KLF7: variants seen among roughly 807,000 people sequenced by gnomAD.
The protein encoded by KLF7 is KLF transcription factor 7.
In KLF7, 2 loss-of-function variants were observed where a neutral mutation model predicts 27.3. The ratio of observed to expected loss-of-function variants is 0.07; its 90% confidence interval spans 0.03 to 0.23. KLF7 has a LOEUF of 0.23. Among genes scored for constraint, KLF7 ranks in the 10% least tolerant of loss-of-function variants. KLF7 has a pLI of 1.00. For missense variants in KLF7, 221 were observed against 394.1 expected (o/e 0.56, Z 3.72); for synonymous variants, 165 against 162.4 (o/e 1.02, Z -0.12).
intron 3 of KLF7, among the ~76,000 whole-genome samples, chr2:207,084,398 T>C (rs951043507): frequency 5.3e-5 from 8 of 152,176 alleles, no homozygotes; most frequent in African/African-American, 1.9e-4. Context: ...TATTTAGCAA[T>C]ATATGTATAA....
chr2:207,100,589 G>GC (rs2076743226), intron 2 of KLF7, among the ~76,000 whole-genome samples: 2 of 152,012 alleles, frequency 1.3e-5, no homozygotes, highest in Non-Finnish European at 2.9e-5. Flanking sequence ...TCCCTAGACA[G>GC]CCCCCGCTCC....
chr2:207,127,314 G>A (rs1020889061), intron 1 of KLF7, among the ~76,000 whole-genome samples: 1 of 152,178 alleles, frequency 6.6e-6, no homozygotes, highest in African/African-American at 2.4e-5. Context: ...ATTATGAAAT[G>A]ATTGCTGTCT....
chr2:207,152,162 A>G (rs188295143), intron 1 of KLF7, among the ~76,000 whole-genome samples: 75 of 152,306 alleles, frequency 4.9e-4, no homozygotes, highest in African/African-American at 1.7e-3. Context: ...AACAAGTCAT[A>G]TAAAATCCAC....
At chr2:207,170,351 G>A (rs754505763), upstream of KLF7, among the ~76,000 whole-genome samples, 9 of 152,166 alleles carry the variant, frequency 5.9e-5, no homozygotes, top group Non-Finnish European at 1.0e-4. Flanking sequence ...AGATAGCAGA[G>A]GTCGATTTAT....
At chr2:207,173,440 T>A in the KLF7 span, among the ~76,000 whole-genome samples, 6 of 152,200 alleles carry the variant, frequency 3.9e-5, no homozygotes, top group East Asian at 1.2e-3. Context: ...TTAGCATGGG[T>A]CTGACTTCCT....
chr2:207,095,031 C>CTTTTTTTTTTTTTTTT (rs36091471), intron 2 of KLF7, among the ~76,000 whole-genome samples: 1,409 of 82,268 alleles, frequency 0.017, 7 homozygotes, highest in Middle Eastern at 0.048. Context: ...TGTTTTTATT[C>CTTTTTTTTTTTTTTTT]TTTTTTTTTT....
At chr2:207,131,135 G>C (rs1432370566) in intron 1 of KLF7, among the ~76,000 whole-genome samples, 1 of 152,212 alleles carries the variant, frequency 6.6e-6, no homozygotes, top group African/African-American at 2.4e-5. Context: ...GCAAAGTCAT[G>C]CTTCCTCTGA....
At chr2:207,106,416 A>T (rs2076884492) in intron 2 of KLF7, among the ~76,000 whole-genome samples, 1 of 152,264 alleles carries the variant, frequency 6.6e-6, no homozygotes, top group African/African-American at 2.4e-5. Flanking sequence ...AAAAGCAAAC[A>T]AATGTAAAAC....
At chr2:207,118,534 C>T (rs907781493) in intron 2 of KLF7, among the ~76,000 whole-genome samples, 1 of 152,158 alleles carries the variant, frequency 6.6e-6, no homozygotes, top group African/African-American at 2.4e-5. Context: ...ACTTGTTTCC[C>T]CTTTATTAGT....
chr2:207,144,364 C>G (rs1313342881), intron 1 of KLF7, among the ~76,000 whole-genome samples: 1 of 152,188 alleles, frequency 6.6e-6, no homozygotes, highest in African/African-American at 2.4e-5. Flanking sequence ...CACTGTCAAT[C>G]ATTTTTCACT....
chr2:207,133,670 C>A (rs145249232), intron 1 of KLF7, among the ~76,000 whole-genome samples: 1 of 152,214 alleles, frequency 6.6e-6, no homozygotes, highest in African/African-American at 2.4e-5. Flanking sequence ...CTCCCCACCC[C>A]CTACAGCCTC....
At chr2:207,164,918 T>C (rs984111700) in intron 1 of KLF7, among the ~76,000 whole-genome samples, 1 of 152,120 alleles carries the variant, frequency 6.6e-6, no homozygotes, top group African/African-American at 2.4e-5. Context: ...TTTGCCTACC[T>C]TCTAATCTCA....
intron 2 of KLF7, among the ~76,000 whole-genome samples, chr2:207,093,125 T>C (rs942829820): frequency 6.6e-6 from 1 of 152,230 alleles, no homozygotes; most frequent in Non-Finnish European, 1.5e-5. Context: ...TATATTTCCA[T>C]ATAAATGGTC....
chr2:207,172,916 G>T, the KLF7 span, among the ~76,000 whole-genome samples: 2 of 152,230 alleles, frequency 1.3e-5, no homozygotes, highest in African/African-American at 2.4e-5. Context: ...GAGCAGGAGA[G>T]AAGATTGTTA....
intron 2 of KLF7, among the ~76,000 whole-genome samples, chr2:207,101,849 C>T (rs1193908119): frequency 6.6e-6 from 1 of 152,142 alleles, no homozygotes; most frequent in Non-Finnish European, 1.5e-5. Context: ...AAATTGTTTA[C>T]ATTCTATGTA....
chr2:207,106,587 C>T (rs1171203743), intron 2 of KLF7, among the ~76,000 whole-genome samples: 1 of 152,160 alleles, frequency 6.6e-6, no homozygotes, highest in Non-Finnish European at 1.5e-5. Context: ...AATCAAGTAT[C>T]CTAGGGTCAC....
intron 1 of KLF7, among the ~76,000 whole-genome samples, chr2:207,127,402 G>A (rs1036667098): frequency 6.6e-6 from 1 of 152,192 alleles, no homozygotes; most frequent in African/African-American, 2.4e-5. Context: ...AAACCCCAGT[G>A]AGGGGGTTAA....
At chr2:207,152,492 A>G (rs1230880862) in intron 1 of KLF7, among the ~76,000 whole-genome samples, 1 of 152,176 alleles carries the variant, frequency 6.6e-6, no homozygotes, top group Non-Finnish European at 1.5e-5. Flanking sequence ...CAGTTTCCAA[A>G]TTGGAAAATG....
At chr2:207,156,100 GC>G (rs1559167867) in intron 1 of KLF7, among the ~76,000 whole-genome samples, 3 of 152,040 alleles carry the variant, frequency 2.0e-5, no homozygotes, top group African/African-American at 7.3e-5. Flanking sequence ...TGAGCTCTGA[GC>G]TCCTCTCCTG....
Sources: gnomAD v4.1 joint callset for allele counts (sites outside exome capture counted in the v4.1 genomes callset) on GRCh38, gnomAD v4.1.1 for gene constraint, MANE v1.5 for transcripts, NCBI Gene and HGNC (gene_info 2026-07-23, HGNC 2026-07-21) for gene names.